The following SLC9A7 variants were observed in gnomAD, a reference collection of about 807,000 sequenced individuals.
SLC9A7 encodes the protein solute carrier family 9 member A7, also known as sodium/hydrogen exchanger 7.
SLC9A7 carries 19 observed loss-of-function variants against 52.6 expected under a neutral mutation model. The observed-to-expected ratio is 0.36, with a 90% CI of 0.25 to 0.53. The LOEUF (loss-of-function observed/expected upper bound fraction) is 0.53. SLC9A7 is among the 20% of genes least tolerant of loss of function. The pLI, the probability that SLC9A7 is intolerant of heterozygous loss-of-function variation, is 0.91. For missense variants in SLC9A7, 455 were observed against 597.9 expected, an observed-to-expected ratio of 0.76 and a Z score of 2.49; for synonymous variants, 226 against 252.1, an observed-to-expected ratio of 0.90 and a Z score of 0.98.
intron 1 of SLC9A7, among the ~76,000 whole-genome samples, chrX:46,738,031 AAAAGAAAGAAAGAAAG>A (rs58544637): frequency 0.08 from 5,654 of 70,350 alleles, 362 homozygotes; most frequent in African/African-American, 0.12. Flanking sequence ...TGTCTCAAAA[AAAAGAAAGAAAGAAAG>A]AAAGAAAGAA....
chrX:46,606,524 GCCTT>G lies in SLC9A7; in HGVS notation c.*424_*427del. 1.3e-6 allele frequency: 1 copy of G among 767,477 alleles called. No homozygotes were observed. The highest frequency in any genetic ancestry group is 1.5e-6 in the Non-Finnish European group (1 of 647,421). 63.2% of individuals were successfully genotyped at this position (767,477 alleles called of 1,213,427 possible). A position where few individuals can be genotyped will look rare whatever the true frequency, so the allele number is the denominator to read the frequency against. On this transcript the variant is annotated 3_prime_UTR_variant, in exon 17 of 17. Coordinates refer to ENST00000616978, the MANE Select transcript of SLC9A7 (RefSeq NM_001257291.2). ...AATCCTTGGAGTTCCGATCTCAATT[GCCTT>G]CCTTCTCTTTAACTTGATAATTCTA... is the stretch of plus-strand genomic sequence containing the variant.
At position 46,677,638 on chromosome X, in the gene SLC9A7, T is replaced by G. The variant is rs1171989449; in HGVS notation, c.603+2040A>C. Among the ~76,000 whole-genome samples, 4 of 112,265 alleles carry G rather than the reference T, an allele frequency of 3.6e-5. No individual in the cohort carries two copies. The East Asian group carries it at 1.1e-3, about 31-fold the overall frequency. On this transcript the variant is annotated intron_variant, in intron 3 of 16. Transcript: ENST00000616978. ...TACACAGCAAATGCTCTGTAAACTA[T>G]ATTTATGTTGGCTGGAAATTGTTTA...
At chrX:46,699,539 G>A (rs1944498730) in intron 1 of SLC9A7, among the ~76,000 whole-genome samples, 1 of 111,654 alleles carries the variant, frequency 9.0e-6, no homozygotes, top group African/African-American at 3.3e-5. Context: ...GTTGGGGCCT[G>A]TGCTAGCTCA....
chrX:46,604,652 G>C lies in SLC9A7; in HGVS notation c.*2300C>G, dbSNP rs1942713588. 1 of 111,280 alleles carries C rather than the reference G, an allele frequency of 9.0e-6. No homozygotes were observed. Among genetic ancestry groups the C allele is most frequent in the African/African-American group, 3.3e-5 (1 of 30,554 alleles). 9.2% of individuals were successfully genotyped at this position (111,280 alleles called of 1,213,427 possible). On this transcript the variant is annotated 3_prime_UTR_variant, in exon 17 of 17. Coordinates refer to ENST00000616978, the MANE Select transcript of SLC9A7 (RefSeq NM_001257291.2). ...TTGCCATGTTGCCCAGTCTGGTCTT[G>C]AACTCCTGAGCTCAAGTGATCCTCC... is the stretch of plus-strand genomic sequence containing the variant.
chrX:46,620,288 G>A (rs1943023729), intron 15 of SLC9A7, among the ~76,000 whole-genome samples: 1 of 110,761 alleles, frequency 9.0e-6, no homozygotes, highest in Non-Finnish European at 1.9e-5. Flanking sequence ...TGGGTGCGGT[G>A]GCATGCACCT....
rs1348786253 is a variant in SLC9A7 at position 46,606,461 on chromosome X, T to C, written c.*491A>G. 2 of 757,325 alleles carry C rather than the reference T, an allele frequency of 2.6e-6. No homozygotes were observed. The highest frequency in any genetic ancestry group is 3.1e-6 in the Non-Finnish European group (2 of 641,346). 62.4% of individuals were successfully genotyped at this position (757,325 alleles called of 1,213,427 possible). A position where few individuals can be genotyped will look rare whatever the true frequency, so the allele number is the denominator to read the frequency against. ...GTTGCCAGAGCCTCCAAATTGCTTT[T>C]TCATGTTTTCTGTCCCATTTAACAC... On this transcript the variant is annotated 3_prime_UTR_variant, in exon 17 of 17. Coordinates refer to ENST00000616978, the MANE Select transcript of SLC9A7 (RefSeq NM_001257291.2).
rs780229306 is a variant in SLC9A7 at position 46,692,396 on chromosome X, T to C, written c.326-9861A>G. On this transcript the variant is annotated intron_variant, in intron 1 of 16. Transcript: ENST00000616978. ...CCACCACAAACAGAACCACAGGTCC[T>C]GCCTGCTTGTCCAAGGAAAATCCCT... Among the ~76,000 whole-genome samples, 7 of 111,468 alleles carry C rather than the reference T, an allele frequency of 6.3e-5. No homozygotes were observed. The East Asian group carries it at 1.4e-3, about 22-fold the overall frequency.
At position 46,664,316 on chromosome X, in the gene SLC9A7, G is replaced by A. The variant is rs147161197; in HGVS notation, c.794-1673C>T. 5.4e-3 allele frequency among the ~76,000 whole-genome samples: 609 copies of A among 111,863 alleles called. 2 individuals are homozygous for A. Among genetic ancestry groups the A allele is most frequent in the Non-Finnish European group, 9.1e-3 (483 of 53,138 alleles). Reference sequence around the variant, plus strand: ...CAACTGATGTGTGACTGAAACCCCAGAACAGTGGAGCAGAAAGACTGAGTG... The same window carrying A: ...CAACTGATGTGTGACTGAAACCCCAAAACAGTGGAGCAGAAAGACTGAGTG... On this transcript the variant is annotated intron_variant, in intron 5 of 16. Transcript: ENST00000616978.
chrX:46,679,187 AG>A (rs1944171550), intron 3 of SLC9A7, among the ~76,000 whole-genome samples: 1 of 112,578 alleles, frequency 8.9e-6, no homozygotes, highest in Non-Finnish European at 1.9e-5. Flanking sequence ...AGATTCATAA[AG>A]GTTGTTGGGT....
chrX:46,738,769 C>CAA (rs34032704), intron 1 of SLC9A7, among the ~76,000 whole-genome samples: 118 of 89,653 alleles, frequency 1.3e-3, no homozygotes, highest in African/African-American at 4.4e-3. Flanking sequence ...GACTCCATCT[C>CAA]AAAAAAAAAA....
intron 10 of SLC9A7, among the ~76,000 whole-genome samples, chrX:46,650,531 C>T (rs1241411310): frequency 2.7e-5 from 3 of 110,327 alleles, no homozygotes; most frequent in African/African-American, 6.6e-5. Context: ...TCTTTCCCAC[C>T]ATGATCTGCA....
chrX:46,651,001 A>T, intron 10 of SLC9A7, 109 bp downstream of exon 10: 1 of 246,230 alleles, frequency 4.1e-6, no homozygotes, highest in Non-Finnish European at 7.0e-6. Flanking sequence ...GATGGTTTAT[A>T]TTATTATATT....
chrX:46,627,488 G>A (rs905275088), intron 14 of SLC9A7, among the ~76,000 whole-genome samples: 4 of 111,210 alleles, frequency 3.6e-5, no homozygotes, highest in Non-Finnish European at 7.6e-5. Flanking sequence ...TGCTTCAGTG[G>A]GGCTGGTGAG....
chrX:46,707,764 G>A (rs1053265344), intron 1 of SLC9A7, among the ~76,000 whole-genome samples: 2 of 112,238 alleles, frequency 1.8e-5, no homozygotes, highest in Non-Finnish European at 3.8e-5. Flanking sequence ...TTTGAGACAA[G>A]AGTCTCTTTC....
intron 1 of SLC9A7, among the ~76,000 whole-genome samples, chrX:46,733,656 C>A (rs1176516016): frequency 2.1e-5 from 2 of 97,189 alleles, no homozygotes; most frequent in African/African-American, 3.6e-5. Flanking sequence ...CAATATTTTA[C>A]TGGAATTAAA....
chrX:46,711,989 G>A (rs1944698718), intron 1 of SLC9A7, among the ~76,000 whole-genome samples: 2 of 108,409 alleles, frequency 1.8e-5, no homozygotes, highest in Admixed American at 2.0e-4. Flanking sequence ...ATCATATTTG[G>A]CTGCAAGAGA....
intron 15 of SLC9A7, among the ~76,000 whole-genome samples, chrX:46,613,772 G>C (rs1007607240): frequency 8.9e-6 from 1 of 111,831 alleles, no homozygotes; most frequent in Admixed American, 9.5e-5. Flanking sequence ...TCCCTGGAGT[G>C]GGGAGTTGCA....
intron 1 of SLC9A7, among the ~76,000 whole-genome samples, chrX:46,738,439 G>A (rs1301362105): frequency 8.9e-6 from 1 of 112,045 alleles, no homozygotes. Flanking sequence ...TTCAAGAACT[G>A]CCTGAATTAT....
At chrX:46,670,238 G>A (rs1282194468) in intron 4 of SLC9A7, among the ~76,000 whole-genome samples, 1 of 111,940 alleles carries the variant, frequency 8.9e-6, no homozygotes, top group Non-Finnish European at 1.9e-5. Flanking sequence ...AAAAAGAGGC[G>A]AATATCTTTA....
Sources: allele counts gnomAD v4.1 joint callset (sites outside exome capture counted in the v4.1 genomes callset), GRCh38; gene constraint gnomAD v4.1.1; transcripts MANE v1.5; gene names NCBI Gene and HGNC (gene_info 2026-07-23, HGNC 2026-07-21).